The following FIGNL2 variants were observed in gnomAD, a reference collection of about 807,000 sequenced individuals.
FIGNL2 encodes the protein fidgetin like 2.
For synonymous variants in FIGNL2, 565 were observed against 484.0 expected, an observed-to-expected ratio of 1.17 and a Z score of -2.20; for missense variants, 1,060 against 950.2, an observed-to-expected ratio of 1.12 and a Z score of -1.52.
At position 51,821,439 on chromosome 12, in the gene FIGNL2, ACCGTACTTGCCCGACGCCTCCT is replaced by A; in HGVS notation, c.953_974del (p.Glu318ValfsTer54). The A allele has an allele frequency of 6.5e-7, 1 of 1,538,338 alleles. No individual in the cohort carries two copies. ...CCAGGACCTTGAGGGGGACGCCGCC[ACCGTACTTGCCCGACGCCTCCT>A]CCGCGGCTCCTGGCGGCTTGGCCCG... On this transcript the variant is annotated frameshift_variant, in exon 2 of 2. Coordinates refer to ENST00000618634, the MANE Select transcript of FIGNL2 (RefSeq NM_001384995.1). LOFTEE classifies it low-confidence loss of function (END_TRUNC).
chr12:51,824,960 C>G (rs1939306523), intron 1 of FIGNL2, among the ~76,000 whole-genome samples: 1 of 152,104 alleles, frequency 6.6e-6, no homozygotes, highest in South Asian at 2.1e-4. Flanking sequence ...AGGAGAACCA[C>G]TTGAACCCGG....
intron 1 of FIGNL2, among the ~76,000 whole-genome samples, chr12:51,842,444 G>C (rs906970271): frequency 6.6e-6 from 1 of 152,200 alleles, no homozygotes; most frequent in East Asian, 1.9e-4. Context: ...GCTGGGTGGG[G>C]AGGGAGCCGC....
intron 1 of FIGNL2, among the ~76,000 whole-genome samples, chr12:51,831,285 A>G (rs1404652267): frequency 6.6e-6 from 1 of 152,208 alleles, no homozygotes; most frequent in Admixed American, 6.5e-5. Flanking sequence ...TCAGGAATTC[A>G]TTTTGCAGCA....
rs1285655462 is a variant in FIGNL2 at position 51,821,977 on chromosome 12, C to T, written c.437G>A (p.Gly146Asp). ...CGCCGATGGGCCCCCGCACGCATTG[C>T]CGGCGTAGAGGGGTTCAGGGAGGTT... is the stretch of plus-strand genomic sequence containing the variant. Reference protein sequence around the residue: ...AGNLPEPLYAGNACGGPSAAP... With the variant: ...AGNLPEPLYADNACGGPSAAP... Residue 146 changes from glycine (G) to aspartate (D), a missense_variant, in exon 2 of 2, where the codon GGC (glycine) becomes GAC (aspartate). Coordinates refer to ENST00000618634, the MANE Select transcript of FIGNL2 (RefSeq NM_001384995.1). 3 of 1,564,890 alleles carry T rather than the reference C, an allele frequency of 1.9e-6. No homozygotes were observed. Among genetic ancestry groups the T allele is most frequent in the Non-Finnish European group, 2.6e-6 (3 of 1,156,362 alleles).
intron 1 of FIGNL2, among the ~76,000 whole-genome samples, chr12:51,834,250 G>T (rs1939541625): frequency 6.6e-6 from 1 of 152,020 alleles, no homozygotes. Context: ...TGAAGCCAGG[G>T]GCTCACCTCA....
At chr12:51,847,310 G>T in intron 1 of FIGNL2, 1 of 985,450 alleles carries the variant, frequency 1.0e-6, no homozygotes, top group African/African-American at 1.7e-5. Flanking sequence ...CGGCTCCACA[G>T]GGGAGGCCCC....
intron 1 of FIGNL2, chr12:51,848,051 T>A (rs1415076184): frequency 4.7e-6 from 4 of 851,910 alleles, no homozygotes; most frequent in Non-Finnish European, 5.6e-6. Flanking sequence ...TGCTGGGGAA[T>A]CTCCGGGCCA....
At chr12:51,843,239 A>G (rs1181863904) in intron 1 of FIGNL2, among the ~76,000 whole-genome samples, 1 of 152,204 alleles carries the variant, frequency 6.6e-6, no homozygotes, top group Non-Finnish European at 1.5e-5. Flanking sequence ...TGCTCAACAC[A>G]GGTTTGTTAA....
Position 51,848,654 on chromosome 12 carries a change from G to T in FIGNL2, c.-126C>A. Reference sequence around the variant, plus strand: ...GACAGGCCTGGGCTGGGGGGCAGTGGCGCTCACCATCCTGGAGCCGCTGCT... The same window carrying T: ...GACAGGCCTGGGCTGGGGGGCAGTGTCGCTCACCATCCTGGAGCCGCTGCT... On this transcript the variant is annotated 5_prime_UTR_variant, in exon 1 of 2. Coordinates refer to ENST00000618634, the MANE Select transcript of FIGNL2 (RefSeq NM_001384995.1). 2 of 522,546 alleles carry T rather than the reference G, an allele frequency of 3.8e-6. No homozygotes were observed. Among genetic ancestry groups the T allele is most frequent in the Non-Finnish European group, 4.9e-6 (2 of 407,266 alleles). 32.4% of individuals were successfully genotyped at this position (522,546 alleles called of 1,614,324 possible).
intron 1 of FIGNL2, among the ~76,000 whole-genome samples, chr12:51,838,535 G>T (rs1939613092): frequency 6.6e-6 from 1 of 152,088 alleles, no homozygotes; most frequent in Admixed American, 6.5e-5. Context: ...CTCAGGTATT[G>T]CAGGGAGTGA....
intron 1 of FIGNL2, chr12:51,847,262 C>A: frequency 1.0e-6 from 1 of 985,386 alleles, no homozygotes; most frequent in African/African-American, 1.7e-5. Flanking sequence ...GGTTTCGCAC[C>A]GTGGCATCTG....
chr12:51,848,170 C>T (rs1939792626), intron 1 of FIGNL2: 2 of 984,702 alleles, frequency 2.0e-6, no homozygotes, highest in Admixed American at 6.2e-5. Flanking sequence ...GACGCTGGAT[C>T]CTTCTGGGAC....
chr12:51,822,431 G>A lies in FIGNL2; in HGVS notation c.-11-7C>T, dbSNP rs749800234. On this transcript the variant is annotated splice_polypyrimidine_tract_variant and splice_region_variant and intron_variant, in intron 1 of 1. Coordinates refer to ENST00000618634, the MANE Select transcript of FIGNL2 (RefSeq NM_001384995.1). ...CAGTGCATCTTCAACAGAGCTGCGG[G>A]CAAGAGACAGGAGGTCTGGTGAGGT... The A allele has an allele frequency of 3.1e-5, 50 of 1,612,810 alleles. No homozygotes were observed. In the East Asian group the frequency reaches 5.6e-4, roughly 18 times the overall value.
Position 51,821,258 on chromosome 12 carries a change from C to G in FIGNL2, c.1156G>C (p.Gly386Arg). 6.6e-7 allele frequency: 1 copy of G among 1,526,208 alleles called. No homozygotes were observed. Among genetic ancestry groups the G allele is most frequent in the Non-Finnish European group, 8.8e-7 (1 of 1,142,688 alleles). The allele number at this position is 1,526,208 out of a possible 1,614,324, so 94.5% of individuals were successfully genotyped here. ...ELVTSKMVDC[G>R]PPVQWADVAG... is the part of the protein sequence containing the mutation. ...ACATCCGCCCACTGCACCGGGGGCC[C>G]GCAGTCCACCATCTTGCTCGTCACC... Residue 386 changes from glycine to arginine, a missense_variant, in exon 2 of 2, where the codon GGG becomes CGG. Coordinates refer to ENST00000618634, the MANE Select transcript of FIGNL2 (RefSeq NM_001384995.1).
chr12:51,844,744 G>T (rs999649074), intron 1 of FIGNL2: 6 of 985,140 alleles, frequency 6.1e-6, no homozygotes, highest in Non-Finnish European at 7.2e-6. Context: ...TAAAAAAAAA[G>T]CTGGACAGCC....
chr12:51,822,078 G>A lies in FIGNL2; in HGVS notation c.336C>T (p.His112=). Residue 112 remains histidine, a synonymous_variant, in exon 2 of 2, where the codon CAC becomes CAT. Coordinates refer to ENST00000618634, the MANE Select transcript of FIGNL2 (RefSeq NM_001384995.1). ...PEPPYPLASL[H]EGLPGTKSGG... ...CCGATTTGGTTCCTGGGAGGCCTTC[G>A]TGGAGTGAGGCCAAGGGGTAGGGTG... The A allele has an allele frequency of 6.2e-7, 1 of 1,611,158 alleles. No individual in the cohort carries two copies. The highest frequency in any genetic ancestry group is 8.5e-7 in the Non-Finnish European group (1 of 1,178,804).
chr12:51,833,795 A>G (rs1209291865), intron 1 of FIGNL2, among the ~76,000 whole-genome samples: 1 of 152,240 alleles, frequency 6.6e-6, no homozygotes, highest in Non-Finnish European at 1.5e-5. Flanking sequence ...AACAGGTTGA[A>G]GGGGACAGTC....
chr12:51,821,850 C>T lies in FIGNL2; in HGVS notation c.564G>A (p.Leu188=). ...ALPPPPPAAL[L]QPPPPPGYGP... The stretch of plus-strand genomic sequence containing the variant: ...CGTACCCCGGAGGCGGTGGGGGCTG[C>T]AGGAGCGCGGCCGGGGGCGGCGGGG... The change falls in exon 2 of 2, where the codon CTG becomes CTA. Residue 188 remains leucine, a synonymous_variant. Coordinates refer to ENST00000618634, the MANE Select transcript of FIGNL2 (RefSeq NM_001384995.1). 7.7e-7 allele frequency: 1 copy of T among 1,292,922 alleles called. No individual in the cohort carries two copies. Among genetic ancestry groups the T allele is most frequent in the Non-Finnish European group, 9.8e-7 (1 of 1,023,732 alleles). 80.1% of individuals were successfully genotyped at this position (1,292,922 alleles called of 1,614,324 possible).
intron 1 of FIGNL2, 23 bp downstream of exon 1, chr12:51,848,517 C>T (rs1039160116): frequency 1.7e-5 from 17 of 984,682 alleles, no homozygotes; most frequent in Non-Finnish European, 2.0e-5. Flanking sequence ...CCGCCCCATC[C>T]CGGCCCGCCC....
Sources: allele counts gnomAD v4.1 joint callset (sites outside exome capture counted in the v4.1 genomes callset), GRCh38; gene constraint gnomAD v4.1.1; transcripts MANE v1.5; gene names NCBI Gene and HGNC (gene_info 2026-07-23, HGNC 2026-07-21).